The following DENND4C variants were observed in gnomAD, a reference collection of about 807,000 sequenced individuals.
DENND4C encodes the protein DENN domain containing 4C.
DENND4C carries 108 observed loss-of-function variants against 203.0 expected under a neutral mutation model. The observed-to-expected ratio is 0.53, with a 90% confidence interval of 0.46 to 0.62. The LOEUF (loss-of-function observed/expected upper bound fraction) is 0.62, where lower values mean the gene tolerates loss of function less well. DENND4C is among the 20% of genes least tolerant of loss of function. The pLI is 0.00. For synonymous variants in DENND4C, 871 were observed against 792.4 expected (o/e 1.10, Z -1.67); for missense variants, 2,481 against 2,301.2 (o/e 1.08, Z -1.60).
rs1309248961 is a variant in DENND4C, at chr9:19,372,610, C to G, written c.*437C>G. The G allele has an allele frequency of 6.4e-6, 1 of 155,194 alleles. No individual in the cohort carries two copies. Among genetic ancestry groups the G allele is most frequent in the Non-Finnish European group, 1.4e-5 (1 of 69,966 alleles). The allele number at this position is 155,194 out of a possible 1,614,324, so 9.6% of individuals were successfully genotyped here. A position where few individuals can be genotyped will look rare whatever the true frequency, so the allele number is the denominator to read the frequency against. On this transcript the variant is annotated 3_prime_UTR_variant, in exon 33 of 33. Coordinates refer to ENST00000434457, the MANE Select transcript of DENND4C (RefSeq NM_001330640.2). The stretch of plus-strand genomic sequence containing the variant: ...CATGGCCGGGCACGGTGGCTCAGGC[C>G]TGTAATCCCAGCACTTTGGGAGGCT...
rs779176610 is a variant in DENND4C at position 19,352,126 on chromosome 9, C to G, written c.4549C>G (p.His1517Asp). 1 of 1,613,872 alleles carries G rather than the reference C, an allele frequency of 6.2e-7. No homozygotes were observed. The highest frequency in any genetic ancestry group is 8.5e-7 in the Non-Finnish European group (1 of 1,179,884). The change falls in exon 25 of 33, where the codon CAT becomes GAT. Residue 1517 changes from histidine (H) to aspartate (D), a missense_variant. By Grantham distance (81) the His-to-Asp change is moderately conservative. Around this residue, in one of 3 missense-constraint regions of DENND4C, gnomAD observed 2,289 missense variants for 2,113.3 expected, o/e 1.08. Coordinates refer to ENST00000434457, the MANE Select transcript of DENND4C (RefSeq NM_001330640.2). ...AGGGCAAGACTTTGAAAAATCAGAT[C>G]ATGGTTCTTCTCAAAATACCAGCAT... ...MKGQDFEKSD[H>D]GSSQNTSMSS... is the part of the protein sequence containing the mutation.
chr9:19,336,983 G>A (rs1288465133), intron 20 of DENND4C, among the ~76,000 whole-genome samples, 151 bp downstream of exon 20: 1 of 152,162 alleles, frequency 6.6e-6, no homozygotes, highest in Non-Finnish European at 1.5e-5. Flanking sequence ...GTCTGCAGAT[G>A]ACTTCTGTTT....
intron 1 of DENND4C, among the ~76,000 whole-genome samples, chr9:19,249,505 C>G (rs1314632907): frequency 6.6e-6 from 1 of 152,108 alleles, no homozygotes; most frequent in Non-Finnish European, 1.5e-5. Context: ...ATCCACCTGC[C>G]TCGGCCTCCC....
At position 19,316,806 on chromosome 9, in the gene DENND4C, G is replaced by T. The variant is rs201312445; in HGVS notation, c.1774G>T (p.Ala592Ser). ...AATCACAGAGGCTCCTTCAAATAAA[G>T]CCACAGCTGCTGATTCATTGTTTGA... ...RPITEAPSNK[A>S]TAADSLFDRQ... is the part of the protein sequence containing the mutation. The change falls in exon 12 of 33, where the codon GCC becomes TCC. Residue 592 changes from alanine (A) to serine (S), a missense_variant. Transcript: ENST00000434457. The T allele has an allele frequency of 4.5e-5, 73 of 1,613,486 alleles. No homozygotes were observed. In the Middle Eastern group the frequency reaches 4.9e-4, roughly 11 times the overall value.
At chr9:19,254,670 TAAAG>T (rs989869657) in intron 1 of DENND4C, among the ~76,000 whole-genome samples, 1 of 152,124 alleles carries the variant, frequency 6.6e-6, no homozygotes, top group African/African-American at 2.4e-5. Context: ...TGAAATTTGA[TAAAG>T]AGAGCAAATT....
rs2130916084 is a variant in DENND4C at position 19,276,422 on chromosome 9, C to T, written c.248C>T (p.Pro83Leu). Residue 83 changes from proline (P) to leucine (L), a missense_variant, in exon 2 of 33, where the codon CCA (proline) becomes CTA (leucine). Physicochemically the swap from Pro to Leu is moderately conservative, Grantham distance 98. Around this residue, in one of 3 missense-constraint regions of DENND4C, gnomAD observed 187 missense variants for 167.4 expected, o/e 1.12. Coordinates refer to ENST00000434457, the MANE Select transcript of DENND4C (RefSeq NM_001330640.2). The part of the protein sequence containing the change: ...ANLNYGSLKS[P>L]ELFLCYKRGR... Reference sequence around the variant, plus strand: ...TTGAACTATGGAAGTCTGAAAAGCCCAGAACTTTTCCTCTGTTATAAGAGA... The same window carrying T: ...TTGAACTATGGAAGTCTGAAAAGCCTAGAACTTTTCCTCTGTTATAAGAGA... 2 of 1,232,076 alleles carry T rather than the reference C, an allele frequency of 1.6e-6. No individual in the cohort carries two copies. The highest frequency in any genetic ancestry group is 1.6e-5 in the African/African-American group (1 of 64,510). 76.3% of individuals were successfully genotyped at this position (1,232,076 alleles called of 1,614,324 possible).
rs116450355 is a variant in DENND4C at position 19,280,756 on chromosome 9, T to C, written c.305+4277T>C. The stretch of plus-strand genomic sequence containing the variant: ...ATATATAAAAATAAGGAGAATTTTT[T>C]TGAGACAGTGTCTCACTGTGGTTGC... On this transcript the variant is annotated intron_variant, in intron 2 of 32. Transcript: ENST00000434457. Among the ~76,000 whole-genome samples the C allele has an allele frequency of 8.1e-3, 1,229 of 152,196 alleles. 19 individuals carry two copies. Among genetic ancestry groups the C allele is most frequent in the African/African-American group, 0.029 (1,190 of 41,506 alleles).
intron 12 of DENND4C, among the ~76,000 whole-genome samples, chr9:19,317,581 A>T (rs1842067317): frequency 6.6e-6 from 1 of 152,246 alleles, no homozygotes; most frequent in Non-Finnish European, 1.5e-5. Flanking sequence ...TTTAAAAAAA[A>T]TCTGTATTTT....
In DENND4C at chr9:19,324,376, C is replaced by A; in HGVS notation, c.1822C>A (p.Arg608=). 6.3e-7 allele frequency: 1 copy of A among 1,590,354 alleles called. No homozygotes were observed. Among genetic ancestry groups the A allele is most frequent in the South Asian group, 1.2e-5 (1 of 86,476 alleles). Residue 608 remains arginine, a synonymous_variant, in exon 13 of 33, where the codon CGA becomes AGA. Transcript: ENST00000434457. ...GTTTTCCTCAGGATTTTTAAAAAGT[C>A]GAGATCGTGCCTATGCAAAATTCTA... ...LFDRQGFLKS[R]DRAYAKFYTL...
intron 16 of DENND4C, 84 bp from the exon 17 acceptor site, chr9:19,331,894 A>G (rs1819298086): frequency 7.7e-7 from 1 of 1,302,020 alleles, no homozygotes; most frequent in Non-Finnish European, 1.1e-6. Flanking sequence ...TTTTACTTAA[A>G]TTCTCCTCTC....
chr9:19,255,771 G>T (rs1026124012), intron 1 of DENND4C, among the ~76,000 whole-genome samples: 4 of 152,196 alleles, frequency 2.6e-5, no homozygotes, highest in African/African-American at 9.7e-5. Flanking sequence ...CATAATTTTA[G>T]TCAGAGATTT....
chr9:19,306,913 G>A (rs1009514086), intron 10 of DENND4C, among the ~76,000 whole-genome samples: 13 of 151,772 alleles, frequency 8.6e-5, no homozygotes, highest in African/African-American at 3.1e-4. Flanking sequence ...TCCGAGTAGC[G>A]GGAATTAACA....
chr9:19,288,830 A>G (rs1032736869), intron 4 of DENND4C, among the ~76,000 whole-genome samples, 165 bp downstream of exon 4: 1 of 152,238 alleles, frequency 6.6e-6, no homozygotes, highest in Admixed American at 6.5e-5. Flanking sequence ...TCTTAAATAC[A>G]TATACAAGAT....
intron 5 of DENND4C, among the ~76,000 whole-genome samples, chr9:19,293,153 T>A (rs954394652): frequency 2.0e-5 from 3 of 152,216 alleles, no homozygotes; most frequent in Admixed American, 6.5e-5. Flanking sequence ...AATTTTAAGA[T>A]CTTCAAACAT....
chr9:19,321,884 G>A (rs1046913775), intron 12 of DENND4C, among the ~76,000 whole-genome samples: 6 of 151,060 alleles, frequency 4.0e-5, no homozygotes, highest in Non-Finnish European at 8.8e-5. Flanking sequence ...GATTTATCCT[G>A]AGAACACTGG....
chr9:19,253,629 G>C (rs1338637545), intron 1 of DENND4C, among the ~76,000 whole-genome samples: 2 of 152,138 alleles, frequency 1.3e-5, no homozygotes, highest in Non-Finnish European at 2.9e-5. Context: ...ATTTTGCATG[G>C]TTTGGGTTAC....
chr9:19,344,616 C>T (rs960338565), intron 22 of DENND4C, among the ~76,000 whole-genome samples: 9 of 152,204 alleles, frequency 5.9e-5, no homozygotes, highest in African/African-American at 2.2e-4. Flanking sequence ...ATTCTCCCGC[C>T]TCAGACCCCC....
chr9:19,305,672 A>G (rs938677594), intron 10 of DENND4C, 145 bp downstream of exon 10: 2 of 740,628 alleles, frequency 2.7e-6, no homozygotes, highest in African/African-American at 3.5e-5. Context: ...CAGGGCAGGT[A>G]TCAGAATCTG....
chr9:19,290,192 A>G (rs1035575725), intron 4 of DENND4C, among the ~76,000 whole-genome samples: 2 of 152,180 alleles, frequency 1.3e-5, no homozygotes, highest in African/African-American at 4.8e-5. Flanking sequence ...TGGGTCTCAC[A>G]TACTCTGTAC....
Sources: allele counts gnomAD v4.1 joint callset (sites outside exome capture counted in the v4.1 genomes callset), GRCh38; gene constraint gnomAD v4.1.1; regional missense constraint gnomAD v4.1.1; transcripts MANE v1.5; gene names NCBI Gene and HGNC (gene_info 2026-07-23, HGNC 2026-07-21).